The following FCHSD2 variants were observed in gnomAD, a reference collection of about 807,000 sequenced individuals.
FCHSD2 encodes the protein FCH and double SH3 domains 2.
FCHSD2 carries 38 observed loss-of-function variants against 108.1 expected under a neutral mutation model. The ratio of observed to expected loss-of-function variants is 0.35; its 90% CI spans 0.27 to 0.46. The LOEUF (loss-of-function observed/expected upper bound fraction) is 0.46. Ranked by LOEUF, FCHSD2 falls within the 20% of genes least tolerant of loss-of-function variation. FCHSD2 has a pLI of 1.00. For missense variants in FCHSD2, 751 were observed against 897.8 expected (o/e 0.84, Z 2.09); for synonymous variants, 279 against 314.7 (o/e 0.89, Z 1.20).
chr11:72,940,081 T>C (rs1433500573), intron 8 of FCHSD2, among the ~76,000 whole-genome samples: 1 of 152,196 alleles, frequency 6.6e-6, no homozygotes, highest in Non-Finnish European at 1.5e-5. Context: ...GAAAAGGCAT[T>C]TGTGACCTAC....
chr11:72,879,468 G>T (rs1281280180), intron 12 of FCHSD2, among the ~76,000 whole-genome samples: 1 of 152,170 alleles, frequency 6.6e-6, no homozygotes, highest in Non-Finnish European at 1.5e-5. Flanking sequence ...AAATGACAGA[G>T]ATGATGGAAT....
chr11:73,060,458 G>A (rs1859134229), intron 3 of FCHSD2, among the ~76,000 whole-genome samples: 1 of 152,126 alleles, frequency 6.6e-6, no homozygotes, highest in Non-Finnish European at 1.5e-5. Context: ...TATTTGTCTT[G>A]TGCTCCTTCT....
chr11:73,054,066 CTGTT>C (rs1231648776), intron 3 of FCHSD2, among the ~76,000 whole-genome samples: 10 of 152,268 alleles, frequency 6.6e-5, no homozygotes, highest in African/African-American at 2.4e-4. Context: ...AGCCTGCTGT[CTGTT>C]TCACTAAATA....
chr11:73,107,881 C>G (rs1289906934), intron 2 of FCHSD2, among the ~76,000 whole-genome samples: 1 of 152,160 alleles, frequency 6.6e-6, no homozygotes, highest in Non-Finnish European at 1.5e-5. Context: ...CAAATCTTGG[C>G]TACTATGAAC....
chr11:72,951,713 A>C (rs1296642145), intron 8 of FCHSD2, among the ~76,000 whole-genome samples: 1 of 152,128 alleles, frequency 6.6e-6, no homozygotes, highest in Non-Finnish European at 1.5e-5. Context: ...GAAGAAACAA[A>C]ATTTTTCTTC....
At chr11:73,033,812 G>A (rs1858423467) in intron 3 of FCHSD2, among the ~76,000 whole-genome samples, 1 of 152,112 alleles carries the variant, frequency 6.6e-6, no homozygotes, top group Non-Finnish European at 1.5e-5. Flanking sequence ...AAGCTAACTA[G>A]GTTAAGTAGG....
At chr11:72,906,639 C>T (rs759716202) in intron 9 of FCHSD2, among the ~76,000 whole-genome samples, 1 of 152,202 alleles carries the variant, frequency 6.6e-6, no homozygotes, top group Non-Finnish European at 1.5e-5. Flanking sequence ...AAGCTTTCTA[C>T]ATATAGCTAG....
chr11:73,070,568 C>G (rs1383967315), intron 3 of FCHSD2, among the ~76,000 whole-genome samples: 1 of 152,050 alleles, frequency 6.6e-6, no homozygotes, highest in African/African-American at 2.4e-5. Context: ...GTATTACAGG[C>G]GCCTGCCACC....
intron 5 of FCHSD2, among the ~76,000 whole-genome samples, chr11:72,999,888 AACACACACAC>A (rs922523491): frequency 9.7e-5 from 10 of 102,858 alleles, no homozygotes; most frequent in Middle Eastern, 5.1e-3. Flanking sequence ...CACACACACA[AACACACACAC>A]ACACACACTT....
chr11:73,001,191 C>T (rs1857619106), intron 4 of FCHSD2, 57 bp from the exon 5 acceptor site: 3 of 1,546,778 alleles, frequency 1.9e-6, no homozygotes, highest in African/African-American at 1.4e-5. Context: ...AAAAAGTTGG[C>T]TAACCTTTTG....
At chr11:73,043,131 A>C (rs1022375917) in intron 3 of FCHSD2, among the ~76,000 whole-genome samples, 5 of 152,080 alleles carry the variant, frequency 3.3e-5, no homozygotes, top group African/African-American at 1.2e-4. Flanking sequence ...GTCTTACTCC[A>C]CTTCTTAAAG....
Position 72,949,087 on chromosome 11 carries a change from CT to C in FCHSD2, c.706-27138del, listed in dbSNP as rs1856575073. Reference sequence around the variant, plus strand: ...CATTTTAAAGTATACAATGCAGTGGCTTTTAGTATATTCACAAAGTTGTGCA... The same window carrying C: ...CATTTTAAAGTATACAATGCAGTGGCTTTAGTATATTCACAAAGTTGTGCA... On this transcript the variant is annotated intron_variant, in intron 8 of 19. Transcript: ENST00000409418. 2.0e-5 allele frequency among the ~76,000 whole-genome samples: 3 copies of C among 152,190 alleles called. No individual in the cohort carries two copies. The South Asian group carries it at 6.2e-4, about 32-fold the overall frequency.
chr11:72,998,697 T>A (rs183251833), intron 5 of FCHSD2, among the ~76,000 whole-genome samples: 1 of 152,162 alleles, frequency 6.6e-6, no homozygotes, highest in Non-Finnish European at 1.5e-5. Flanking sequence ...GAGGAAAAAA[T>A]TGATAATAAA....
intron 13 of FCHSD2, among the ~76,000 whole-genome samples, chr11:72,858,847 G>T (rs1016603614): frequency 6.6e-6 from 1 of 152,212 alleles, no homozygotes; most frequent in African/African-American, 2.4e-5. Flanking sequence ...TCAGGGATCA[G>T]ATTTAACCTC....
intron 8 of FCHSD2, among the ~76,000 whole-genome samples, chr11:72,935,794 T>C (rs1856287818): frequency 6.6e-6 from 1 of 152,250 alleles, no homozygotes; most frequent in Non-Finnish European, 1.5e-5. Flanking sequence ...GGTTACTTCA[T>C]GTTCTGTGAA....
At chr11:73,026,626 T>C (rs945697739) in intron 3 of FCHSD2, among the ~76,000 whole-genome samples, 5 of 152,246 alleles carry the variant, frequency 3.3e-5, no homozygotes, top group Admixed American at 3.3e-4. Flanking sequence ...CTACATATGA[T>C]TAAAGATCAG....
intron 3 of FCHSD2, among the ~76,000 whole-genome samples, chr11:73,070,506 C>T (rs1305623976): frequency 6.6e-6 from 1 of 152,138 alleles, no homozygotes; most frequent in Non-Finnish European, 1.5e-5. Context: ...TCACTGCAAC[C>T]TCCACCTCCC....
intron 3 of FCHSD2, among the ~76,000 whole-genome samples, chr11:73,023,957 T>C (rs1202486593): frequency 6.6e-6 from 1 of 152,090 alleles, no homozygotes; most frequent in African/African-American, 2.4e-5. Flanking sequence ...AAAGACCAAT[T>C]GATAGAGAAA....
At chr11:73,037,428 C>T (rs1235638885) in intron 3 of FCHSD2, among the ~76,000 whole-genome samples, 1 of 152,162 alleles carries the variant, frequency 6.6e-6, no homozygotes, top group Non-Finnish European at 1.5e-5. Flanking sequence ...CTGTGCTCTG[C>T]TATTTGTCCC....
Sources: allele counts gnomAD v4.1 joint callset (sites outside exome capture counted in the v4.1 genomes callset), GRCh38; gene constraint gnomAD v4.1.1; transcripts MANE v1.5; gene names NCBI Gene and HGNC (gene_info 2026-07-23, HGNC 2026-07-21).